Variants in ERC2 observed in about 807,000 individuals in gnomAD.
ERC2 encodes the protein ELKS/RAB6-interacting/CAST family member 2.
A neutral mutation model predicts 114.8 loss-of-function variants in ERC2; 42 were observed. That is an observed-to-expected ratio of 0.37 (90% CI 0.29 to 0.47). The LOEUF (loss-of-function observed/expected upper bound fraction) is 0.47, where lower values mean the gene tolerates loss of function less well. ERC2 is among the 20% of genes least tolerant of loss of function. The pLI is 0.99. For missense variants in ERC2, 939 were observed against 1,150.7 expected (o/e 0.82, Z 2.66); for synonymous variants, 454 against 425.5 (o/e 1.07, Z -0.82).
chr3:56,311,818 AATGTGTGT>A (rs1310653502), intron 2 of ERC2, among the ~76,000 whole-genome samples: 30 of 91,140 alleles, frequency 3.3e-4, no homozygotes, highest in African/African-American at 5.1e-4. Context: ...TATACATATA[AATGTGTGT>A]GTGTGTGTGT....
At chr3:55,891,567 C>T (rs956649120) in intron 13 of ERC2, among the ~76,000 whole-genome samples, 1 of 151,390 alleles carries the variant, frequency 6.6e-6, no homozygotes, top group Admixed American at 6.6e-5. Context: ...CTGCCTCAGC[C>T]TCCTGAGTAG....
chr3:56,304,798 T>C (rs934167087), intron 2 of ERC2, among the ~76,000 whole-genome samples: 7 of 152,308 alleles, frequency 4.6e-5, no homozygotes, highest in Non-Finnish European at 1.0e-4. Context: ...TAGTGTTTTC[T>C]AAAAATTGTT....
intron 15 of ERC2, among the ~76,000 whole-genome samples, chr3:55,701,708 TG>T (rs1013359390): frequency 1.3e-5 from 2 of 152,146 alleles, no homozygotes; most frequent in Admixed American, 6.5e-5. Context: ...AGTTATGCCT[TG>T]TGAGAAAGAG....
At chr3:55,611,246 T>C (rs370098057) in intron 17 of ERC2, among the ~76,000 whole-genome samples, 1 of 152,214 alleles carries the variant, frequency 6.6e-6, no homozygotes, top group Non-Finnish European at 1.5e-5. Flanking sequence ...AGACAGAATT[T>C]ATTGAACTAA....
chr3:55,534,652 C>T (rs537657987), intron 17 of ERC2, among the ~76,000 whole-genome samples: 3 of 152,074 alleles, frequency 2.0e-5, no homozygotes, highest in East Asian at 1.9e-4. Context: ...GCTGAGATTA[C>T]GTCACTGCAC....
intron 14 of ERC2, among the ~76,000 whole-genome samples, chr3:55,759,336 C>T (rs1354705731): frequency 5.3e-5 from 8 of 152,132 alleles, no homozygotes; most frequent in Middle Eastern, 3.4e-3. Flanking sequence ...GACTGCTCCA[C>T]AGTTCACTTA....
At chr3:56,384,820 C>G (rs1226650616) in intron 2 of ERC2, among the ~76,000 whole-genome samples, 2 of 152,094 alleles carry the variant, frequency 1.3e-5, no homozygotes, top group Non-Finnish European at 1.5e-5. Context: ...GGTTTCAACT[C>G]TTGTGTTTAG....
At chr3:55,940,404 C>T (rs1005467144) in intron 13 of ERC2, among the ~76,000 whole-genome samples, 2 of 152,062 alleles carry the variant, frequency 1.3e-5, no homozygotes, top group East Asian at 1.9e-4. Flanking sequence ...CAGGGCCCCA[C>T]GGATGACCTG....
chr3:55,588,518 TC>T (rs1363402330), intron 17 of ERC2, among the ~76,000 whole-genome samples: 4 of 151,814 alleles, frequency 2.6e-5, no homozygotes, highest in Non-Finnish European at 5.9e-5. Context: ...GAGAGGGAAA[TC>T]CCCCTCGGCC....
At chr3:56,339,026 A>G (rs2057977797) in intron 2 of ERC2, among the ~76,000 whole-genome samples, 1 of 152,194 alleles carries the variant, frequency 6.6e-6, no homozygotes, top group African/African-American at 2.4e-5. Flanking sequence ...AATAGCCTCG[A>G]GTCCCCAGTT....
chr3:55,621,477 C>A (rs1461731137), intron 17 of ERC2, among the ~76,000 whole-genome samples: 1 of 152,214 alleles, frequency 6.6e-6, no homozygotes, highest in Non-Finnish European at 1.5e-5. Context: ...CGCTTATCTA[C>A]TACTGTTCCC....
intron 2 of ERC2, among the ~76,000 whole-genome samples, chr3:56,373,520 G>A (rs2059427925): frequency 6.6e-6 from 1 of 152,176 alleles, no homozygotes; most frequent in Non-Finnish European, 1.5e-5. Context: ...GGATTAGTTG[G>A]AGAGCTTCTT....
chr3:55,916,127 TCAG>T (rs1163703015), intron 13 of ERC2, among the ~76,000 whole-genome samples: 3 of 152,092 alleles, frequency 2.0e-5, no homozygotes, highest in African/African-American at 7.2e-5. Context: ...GCAGACCCAT[TCAG>T]CTCACTGTGG....
At chr3:55,679,372 T>A (rs1019449605) in intron 17 of ERC2, among the ~76,000 whole-genome samples, 4 of 152,206 alleles carry the variant, frequency 2.6e-5, no homozygotes, top group African/African-American at 9.7e-5. Context: ...CTTGGAGAGA[T>A]GCTTGCTGAA....
At chr3:55,632,727 T>C (rs1020293678) in intron 17 of ERC2, among the ~76,000 whole-genome samples, 3 of 152,208 alleles carry the variant, frequency 2.0e-5, no homozygotes, top group Non-Finnish European at 2.9e-5. Context: ...GGTAGGATTC[T>C]TGGGGATAAT....
At position 56,435,072 on chromosome 3, in the gene ERC2, A is replaced by G. The variant is rs2061957627; in HGVS notation, c.-65T>C. 7.8e-7 allele frequency: 1 copy of G among 1,276,854 alleles called. No individual in the cohort carries two copies. The highest frequency in any genetic ancestry group is 1.1e-6 in the Non-Finnish European group (1 of 938,186). 79.1% of individuals were successfully genotyped at this position (1,276,854 alleles called of 1,614,324 possible). ...CTATATTAAGTTGGGGTTTGAGCTA[A>G]TATTTCCACGATTGTCCAGAATTTT... On this transcript the variant is annotated 5_prime_UTR_variant, in exon 2 of 18. Transcript: ENST00000288221.
chr3:55,594,409 G>T (rs556630652), intron 17 of ERC2, among the ~76,000 whole-genome samples: 93 of 152,226 alleles, frequency 6.1e-4, no homozygotes, highest in African/African-American at 2.0e-3. Context: ...ATTTTGCTAA[G>T]AAAGAATCTC....
At position 55,539,664 on chromosome 3, in the gene ERC2, T is replaced by C. The variant is rs2054257238; in HGVS notation, c.*40-28388A>G. ...GGATGGTCTTGATCTCCTGACCTCG[T>C]GATCTGCCTGCCTCGGCCTCCCAAA... On this transcript the variant is annotated intron_variant, in intron 17 of 17. Coordinates refer to ENST00000288221, the MANE Select transcript of ERC2 (RefSeq NM_015576.3). Among the ~76,000 whole-genome samples, 3 of 151,808 alleles carry C rather than the reference T, an allele frequency of 2.0e-5. No homozygotes were observed. In the South Asian group the frequency reaches 6.2e-4, roughly 32 times the overall value.
At chr3:55,878,610 T>G (rs535010959) in intron 14 of ERC2, among the ~76,000 whole-genome samples, 20 of 152,330 alleles carry the variant, frequency 1.3e-4, no homozygotes, top group Admixed American at 1.2e-3. Flanking sequence ...GTATTTGAGT[T>G]CCACATATAT....
Sources: allele counts gnomAD v4.1 joint callset (sites outside exome capture counted in the v4.1 genomes callset), GRCh38; gene constraint gnomAD v4.1.1; transcripts MANE v1.5; gene names NCBI Gene and HGNC (gene_info 2026-07-23, HGNC 2026-07-21).